GLS: variants seen among roughly 807,000 people sequenced by gnomAD.
The protein encoded by GLS is glutaminase.
GLS carries 36 observed loss-of-function variants against 86.7 expected under a neutral mutation model. That is an observed-to-expected ratio of 0.42 (90% CI 0.32 to 0.55). The LOEUF is 0.55. Among genes scored for constraint, GLS ranks in the 20% least tolerant of loss-of-function variants. The pLI, the probability that GLS is intolerant of heterozygous loss-of-function variation, is 0.17. For missense variants in GLS, 528 were observed against 833.4 expected (o/e 0.63, Z 4.51); for synonymous variants, 317 against 305.9 (o/e 1.04, Z -0.38).
chr2:190,919,655 A>G (rs1689670224), intron 7 of GLS: 2 of 865,708 alleles, frequency 2.3e-6, no homozygotes, highest in African/African-American at 3.6e-5. Flanking sequence ...TATTTTGACA[A>G]CTGCAACAGT....
chr2:190,934,985 A>G (rs1432489280), intron 14 of GLS: 1 of 962,062 alleles, frequency 1.0e-6, no homozygotes, highest in Non-Finnish European at 1.2e-6. Context: ...AAAGTTCTTG[A>G]TAGTACCCAC....
At chr2:190,910,972 G>T (rs1689339693) in intron 7 of GLS, among the ~76,000 whole-genome samples, 1 of 148,012 alleles carries the variant, frequency 6.8e-6, no homozygotes. Flanking sequence ...GTTAATAATT[G>T]GAAGATCTAG....
At chr2:190,912,346 C>CCT (rs1553484385) in intron 7 of GLS, among the ~76,000 whole-genome samples, 3 of 122,518 alleles carry the variant, frequency 2.4e-5, no homozygotes, top group African/African-American at 9.2e-5. Flanking sequence ...TTCACAAGTG[C>CCT]TTTTTTTTTT....
intron 9 of GLS, among the ~76,000 whole-genome samples, chr2:190,922,150 A>G (rs1220291553): frequency 6.6e-6 from 1 of 152,152 alleles, no homozygotes; most frequent in Non-Finnish European, 1.5e-5. Flanking sequence ...GCTGTTTAGT[A>G]GAAAACAGCC....
At chr2:190,910,168 G>T in intron 6 of GLS, 95 bp from the exon 7 acceptor site, 1 of 727,142 alleles carries the variant, frequency 1.4e-6, no homozygotes. Context: ...AATTGAGTAC[G>T]TTAGCTGTGC....
intron 14 of GLS, chr2:190,934,765 G>A: frequency 1.0e-6 from 1 of 973,164 alleles, no homozygotes; most frequent in Non-Finnish European, 1.2e-6. Context: ...TGTTGGTAAT[G>A]CTTTAAATGC....
At chr2:190,903,844 G>A (rs1011483634) in intron 5 of GLS, among the ~76,000 whole-genome samples, 1 of 152,086 alleles carries the variant, frequency 6.6e-6, no homozygotes, top group Admixed American at 6.6e-5. Context: ...AAAAAATATA[G>A]TGCCCAGTTT....
rs761684780 is a variant in GLS at position 190,963,003 on chromosome 2, GA to G, written c.*18del. The G allele has an allele frequency of 6.5e-7, 1 of 1,547,792 alleles. No individual in the cohort carries two copies. The highest frequency in any genetic ancestry group is 2.0e-5 in the Admixed American group (1 of 49,504). On this transcript the variant is annotated 3_prime_UTR_variant, in exon 18 of 18. Transcript: ENST00000320717. ...TTGTTGTAATGGTCTCAAATCCCAA[GA>G]TTTAAATCACTTACCTATTTAATTG...
chr2:190,963,737 G>GTT lies in GLS; in HGVS notation c.*755_*756dup, dbSNP rs1574628145. 6.6e-6 allele frequency: 1 copy of GTT among 152,620 alleles called. No homozygotes were observed. The highest frequency in any genetic ancestry group is 1.9e-4 in the East Asian group (1 of 5,182). The allele number at this position is 152,620 out of a possible 1,614,324, so 9.5% of individuals were successfully genotyped here. On this transcript the variant is annotated 3_prime_UTR_variant, in exon 18 of 18. Coordinates refer to ENST00000320717, the MANE Select transcript of GLS (RefSeq NM_014905.5). ...AAAGTGAGAGCTGGCATACTATGCA[G>GTT]TTTTTATGTTTTCCATAGTAAGTCA...
At position 190,921,595 on chromosome 2, in the gene GLS, A is replaced by G. The variant is rs1002080312; in HGVS notation, c.1130+392A>G. On this transcript the variant is annotated intron_variant, in intron 9 of 17. Coordinates refer to ENST00000320717, the MANE Select transcript of GLS (RefSeq NM_014905.5). This position sits in a 1 kb window ranked among gnomAD's most constrained non-coding sequence, Gnocchi z 4.2. ...ATTTTGTCTTACTTGCTTTTTCTCA[A>G]TCTCTGTCTCTTTAGATAGATAAAA... Among the ~76,000 whole-genome samples the G allele has an allele frequency of 6.6e-6, 1 of 151,900 alleles. No individual in the cohort carries two copies. Among genetic ancestry groups the G allele is most frequent in the Non-Finnish European group, 1.5e-5 (1 of 67,860 alleles).
chr2:190,959,724 C>G (rs1308722559), intron 17 of GLS, among the ~76,000 whole-genome samples: 1 of 152,094 alleles, frequency 6.6e-6, no homozygotes, highest in Non-Finnish European at 1.5e-5. Context: ...TTTATGCAGC[C>G]TGATGTTGTT....
Position 190,880,921 on chromosome 2 carries a change from C to T in GLS, c.-164C>T, listed in dbSNP as rs997374576. ...AGCAGCAGCAGCAGCAGCAGCAGCA[C>T]CCGCATCCGCTGCGGGAGTCCGAGC... On this transcript the variant is annotated 5_prime_UTR_variant, in exon 1 of 18. Coordinates refer to ENST00000320717, the MANE Select transcript of GLS (RefSeq NM_014905.5). The T allele has an allele frequency of 1.5e-5, 11 of 751,550 alleles. No individual in the cohort carries two copies. The highest frequency in any genetic ancestry group is 3.8e-4 in the Middle Eastern group (1 of 2,636). The allele number at this position is 751,550 out of a possible 1,614,324, so 46.6% of individuals were successfully genotyped here. A position where few individuals can be genotyped will look rare whatever the true frequency, so the allele number is the denominator to read the frequency against.
Position 190,962,957 on chromosome 2 carries a change from G to A in GLS, c.1981G>A (p.Val661Ile), listed in dbSNP as rs762250183. Residue 661 changes from valine (V) to isoleucine (I), a missense_variant, in exon 18 of 18, where the codon GTC (valine) becomes ATC (isoleucine). Val to Ile is a conservative substitution (Grantham distance 29, BLOSUM62 3). Around this residue, in one of 4 missense-constraint regions of GLS, gnomAD observed 30 missense variants for 36.9 expected, o/e 0.81. Transcript: ENST00000320717. This position sits in a 1 kb window ranked among gnomAD's most constrained non-coding sequence, Gnocchi z 4.2. ...DSDNGKENQTVHKNLDGLL is the reference protein window; with the variant it reads ...DSDNGKENQTIHKNLDGLL ...TGACAACGGGAAGGAAAATCAAACC[G>A]TCCATAAGAATCTTGATGGATTGTT... 33 of 1,608,144 alleles carry A rather than the reference G, an allele frequency of 2.1e-5. No individual in the cohort carries two copies. The East Asian group carries it at 2.5e-4, about 12-fold the overall frequency.
At chr2:190,915,023 C>CTTTTT (rs902605069) in intron 7 of GLS, among the ~76,000 whole-genome samples, 1 of 146,704 alleles carries the variant, frequency 6.8e-6, no homozygotes, top group African/African-American at 2.5e-5. Flanking sequence ...TTATAATTTA[C>CTTTTT]TTTTTTTTTT....
At position 190,930,639 on chromosome 2, in the gene GLS, C is replaced by T; in HGVS notation, c.1557+71C>T. 2 of 1,431,024 alleles carry T rather than the reference C, an allele frequency of 1.4e-6. No homozygotes were observed. The highest frequency in any genetic ancestry group is 1.9e-6 in the Non-Finnish European group (2 of 1,038,436). 88.6% of individuals were successfully genotyped at this position (1,431,024 alleles called of 1,614,324 possible). ...CATCCAATGATTCTTTTTTTTAACC[C>T]ATTTTCCATAGTTCATTAACTCTTG... On this transcript the variant is annotated intron_variant, in intron 13 of 17. Transcript: ENST00000320717. The surrounding 1 kb of genome is among the most constrained non-coding windows in gnomAD (Gnocchi z 5.0).
chr2:190,900,645 A>G lies in GLS; in HGVS notation c.687A>G (p.Ser229=). The G allele has an allele frequency of 6.2e-7, 1 of 1,604,480 alleles. No individual in the cohort carries two copies. Among genetic ancestry groups the G allele is most frequent in the South Asian group, 1.1e-5 (1 of 90,836 alleles). The part of the protein sequence containing the change: ...FVIPDFMSFT[S]HIDELYESAK... ...TTCCTGACTTTATGTCTTTTACCTC[A>G]CACATTGATGAGTTATATGAAAGTG... The change falls in exon 4 of 18, where the codon TCA becomes TCG. Residue 229 remains serine (S), a synonymous_variant. Transcript: ENST00000320717.
rs1058589 is a variant in GLS, at chr2:190,954,611, A to G, written c.1740A>G (p.Glu580=). 1 of 1,613,200 alleles carries G rather than the reference A, an allele frequency of 6.2e-7. No individual in the cohort carries two copies. The highest frequency in any genetic ancestry group is 8.5e-7 in the Non-Finnish European group (1 of 1,179,248). ...TTGCTTTGTCAGCTATGGACATGGA[A>G]CAGCGGGACTATGATTCTAGAACAG... ...RRFALSAMDM[E]QRDYDSRTAL... is the part of the protein sequence containing the mutation. The change falls in exon 16 of 18, where the codon GAA becomes GAG. Residue 580 remains glutamate (E), a synonymous_variant. Coordinates refer to ENST00000320717, the MANE Select transcript of GLS (RefSeq NM_014905.5). This position sits in a 1 kb window ranked among gnomAD's most constrained non-coding sequence, Gnocchi z 4.0.
intron 14 of GLS, chr2:190,932,913 C>T: frequency 7.2e-7 from 1 of 1,386,896 alleles, no homozygotes. Context: ...TTTCAAACAT[C>T]TTTAGCTTTT....
intron 7 of GLS, among the ~76,000 whole-genome samples, chr2:190,918,162 A>G (rs1201182121): frequency 6.6e-6 from 1 of 152,180 alleles, no homozygotes; most frequent in Admixed American, 6.5e-5. Flanking sequence ...GAAACCAGAC[A>G]TTAACTTCTT....
Sources: allele counts gnomAD v4.1 joint callset (sites outside exome capture counted in the v4.1 genomes callset), GRCh38; gene constraint gnomAD v4.1.1; regional missense constraint gnomAD v4.1.1; non-coding constraint Gnocchi (gnomAD v3.1); transcripts MANE v1.5; gene names NCBI Gene and HGNC (gene_info 2026-07-23, HGNC 2026-07-21).